PSD3: variants seen among roughly 807,000 people sequenced by gnomAD.
PSD3 encodes the protein PH and SEC7 domain-containing protein 3.
PSD3 carries 49 observed loss-of-function variants against 105.5 expected under a neutral mutation model. The observed-to-expected ratio is 0.46, with a 90% CI of 0.37 to 0.59. PSD3 has a LOEUF of 0.59. PSD3 is among the 20% of genes least tolerant of loss of function. PSD3 has a pLI of 0.00. For missense variants in PSD3, 1,561 were observed against 1,263.8 expected, an observed-to-expected ratio of 1.24 and a Z score of -3.57; for synonymous variants, 557 against 457.8, an observed-to-expected ratio of 1.22 and a Z score of -2.77.
chr8:18,803,851 G>A (rs925692064), intron 6 of PSD3, among the ~76,000 whole-genome samples: 1 of 152,044 alleles, frequency 6.6e-6, no homozygotes, highest in Non-Finnish European at 1.5e-5. Context: ...CATGGAGATG[G>A]ACGGTGGTGA....
rs992551249 is a variant in PSD3 at position 18,572,787 on chromosome 8, G to A, written c.2640-115C>T. 2.5e-6 allele frequency: 3 copies of A among 1,176,778 alleles called. 1 individual carries two copies. 72.9% of individuals were successfully genotyped at this position (1,176,778 alleles called of 1,614,324 possible). On this transcript the variant is annotated intron_variant, in intron 13 of 15. Coordinates refer to ENST00000327040, the MANE Select transcript of PSD3 (RefSeq NM_015310.4). ...CATGTGAAAATCATTTACTCCTCCT[G>A]GTACAACTAATCCCTGACAAAACTT... is the stretch of plus-strand genomic sequence containing the variant.
intron 1 of PSD3, among the ~76,000 whole-genome samples, chr8:18,963,166 T>C (rs1824026838): frequency 6.6e-6 from 1 of 152,174 alleles, no homozygotes; most frequent in Admixed American, 6.5e-5. Flanking sequence ...ACTTATTCAC[T>C]ACTATGACAA....
At chr8:18,801,849 C>T (rs1810726032) in intron 6 of PSD3, among the ~76,000 whole-genome samples, 1 of 151,958 alleles carries the variant, frequency 6.6e-6, no homozygotes, top group South Asian at 2.1e-4. Context: ...AAAATGTCCA[C>T]TTAAAAGATG....
intron 8 of PSD3, among the ~76,000 whole-genome samples, chr8:18,766,200 G>T (rs1487770158): frequency 1.3e-5 from 2 of 151,852 alleles, no homozygotes; most frequent in African/African-American, 2.4e-5. Flanking sequence ...CAGGCGTGGT[G>T]GCAGGCGCCT....
chr8:18,679,340 T>C (rs898093013), intron 9 of PSD3, among the ~76,000 whole-genome samples: 2 of 152,134 alleles, frequency 1.3e-5, no homozygotes, highest in African/African-American at 2.4e-5. Flanking sequence ...ATGGGGAGAA[T>C]AGAGGTGATG....
rs193168722 is a variant in PSD3, at chr8:18,580,717, C to T, written c.2482-5432G>A. The stretch of plus-strand genomic sequence containing the variant: ...GATAGTAAATGTACGTTTTAGATAA[C>T]GAACTGATTTTTCACTTCTAAAGAC... On this transcript the variant is annotated intron_variant, in intron 12 of 15. Coordinates refer to ENST00000327040, the MANE Select transcript of PSD3 (RefSeq NM_015310.4). Among the ~76,000 whole-genome samples, 24 of 152,186 alleles carry T rather than the reference C, an allele frequency of 1.6e-4. 1 individual carries two copies. Among genetic ancestry groups the T allele is most frequent in the South Asian group, 1.0e-3 (5 of 4,818 alleles).
intron 9 of PSD3, among the ~76,000 whole-genome samples, chr8:18,752,942 T>C (rs1426016899): frequency 6.6e-6 from 1 of 151,730 alleles, no homozygotes; most frequent in Admixed American, 6.6e-5. Context: ...CATGATTTGC[T>C]CCAGGAGCAG....
At chr8:18,850,517 GT>G (rs368997267) in intron 4 of PSD3, among the ~76,000 whole-genome samples, 94 of 152,284 alleles carry the variant, frequency 6.2e-4, no homozygotes, top group African/African-American at 2.0e-3. Context: ...CATTCATTTA[GT>G]TCTCAGAAGT....
intron 10 of PSD3, among the ~76,000 whole-genome samples, chr8:18,646,106 T>C (rs928088128): frequency 2.0e-5 from 3 of 152,134 alleles, no homozygotes; most frequent in Non-Finnish European, 4.4e-5. Context: ...AGAATGTTAT[T>C]CTAGTATTTC....
At chr8:18,803,750 AGT>A (rs1199995852) in intron 6 of PSD3, among the ~76,000 whole-genome samples, 20 of 151,940 alleles carry the variant, frequency 1.3e-4, no homozygotes, top group African/African-American at 4.4e-4. Flanking sequence ...GAAGTAGAAT[AGT>A]GTTTGCCAGG....
chr8:18,655,747 G>T, intron 9 of PSD3, 62 bp from the exon 10 acceptor site: 1 of 1,485,640 alleles, frequency 6.7e-7, no homozygotes, highest in Non-Finnish European at 9.4e-7. Context: ...TTTGAATTCA[G>T]CAAATGACCA....
At chr8:18,863,398 C>T (rs151238486) in intron 4 of PSD3, among the ~76,000 whole-genome samples, 3 of 152,130 alleles carry the variant, frequency 2.0e-5, no homozygotes, top group Admixed American at 6.5e-5. Flanking sequence ...CACAGCACCG[C>T]TGACCCCCGG....
intron 4 of PSD3, among the ~76,000 whole-genome samples, chr8:18,819,904 T>G (rs189045418): frequency 6.6e-6 from 1 of 152,226 alleles, no homozygotes; most frequent in Non-Finnish European, 1.5e-5. Flanking sequence ...CATCAACCAG[T>G]GTGAACCCTG....
chr8:18,600,566 A>C lies in PSD3; in HGVS notation c.2411-132T>G, dbSNP rs1310897785. 9 of 734,192 alleles carry C rather than the reference A, an allele frequency of 1.2e-5. No individual in the cohort carries two copies. In the Middle Eastern group the frequency reaches 1.9e-3, roughly 158 times the overall value. 45.5% of individuals were successfully genotyped at this position (734,192 alleles called of 1,614,324 possible). A position where few individuals can be genotyped will look rare whatever the true frequency, so the allele number is the denominator to read the frequency against. On this transcript the variant is annotated intron_variant, in intron 11 of 15. Coordinates refer to ENST00000327040, the MANE Select transcript of PSD3 (RefSeq NM_015310.4). ...GAAAGTAATAACAATAAGAACTAAA[A>C]TTTTCTGAGCCTTATGGTGTACCAG... is the stretch of plus-strand genomic sequence containing the variant.
intron 4 of PSD3, among the ~76,000 whole-genome samples, chr8:18,814,727 T>A (rs1038637064): frequency 6.6e-6 from 1 of 152,190 alleles, no homozygotes; most frequent in Non-Finnish European, 1.5e-5. Context: ...CAAGGTAGGA[T>A]CAGTGAGCCC....
intron 7 of PSD3, 33 bp downstream of exon 7, chr8:18,801,236 TA>T (rs1563285371): frequency 1.5e-6 from 2 of 1,321,844 alleles, no homozygotes; most frequent in Non-Finnish European, 2.1e-6. Context: ...ACCATTGATA[TA>T]AAAAAGAAAT....
intron 1 of PSD3, among the ~76,000 whole-genome samples, chr8:19,074,369 G>C (rs1202550073): frequency 6.6e-6 from 1 of 151,854 alleles, no homozygotes; most frequent in African/African-American, 2.4e-5. Flanking sequence ...CCGGGTCCGG[G>C]GGGTGCCACA....
chr8:18,933,768 A>C (rs570268965), intron 2 of PSD3, among the ~76,000 whole-genome samples: 1 of 152,184 alleles, frequency 6.6e-6, no homozygotes, highest in Non-Finnish European at 1.5e-5. Context: ...ACGCCAGGCC[A>C]ATGCCAAAGA....
intron 1 of PSD3, among the ~76,000 whole-genome samples, chr8:19,036,543 A>T (rs1827949211): frequency 6.6e-6 from 1 of 152,176 alleles, no homozygotes; most frequent in African/African-American, 2.4e-5. Context: ...AGGAAACACA[A>T]AGTACTAAAG....
Sources: gnomAD v4.1 joint callset for allele counts (sites outside exome capture counted in the v4.1 genomes callset) on GRCh38, gnomAD v4.1.1 for gene constraint, MANE v1.5 for transcripts, NCBI Gene and HGNC (gene_info 2026-07-23, HGNC 2026-07-21) for gene names.